PRKAA1: variants seen among roughly 807,000 people sequenced by gnomAD.
The protein encoded by PRKAA1 is protein kinase AMP-activated catalytic subunit alpha 1, also known as 5'-AMP-activated protein kinase catalytic subunit alpha-1.
A neutral mutation model predicts 56.9 loss-of-function variants in PRKAA1; 23 were observed. The ratio of observed to expected loss-of-function variants is 0.40; its 90% CI spans 0.29 to 0.57. The LOEUF (loss-of-function observed/expected upper bound fraction) is 0.57. Among genes scored for constraint, PRKAA1 ranks in the 20% least tolerant of loss-of-function variants. The probability of loss-of-function intolerance (pLI) is 0.39; values close to 1 mark genes in which losing one functional copy is unlikely to be tolerated. For synonymous variants in PRKAA1, 226 were observed against 227.0 expected, an observed-to-expected ratio of 1.00 and a Z score of 0.04; for missense variants, 413 against 679.7, an observed-to-expected ratio of 0.61 and a Z score of 4.36.
In PRKAA1 at chr5:40,798,139, T is replaced by C; in HGVS notation, c.51A>G (p.Lys17=). ...GGCCGATCTTCACCCGCCCGTCGTG[T>C]TTCTGCTTCTCGGCTGTCGCCATCT... ...WRKMATAEKQ[K]HDGRVKIGHY... is the part of the protein sequence containing the mutation. Residue 17 remains lysine, a synonymous_variant, in exon 1 of 9, where the codon AAA becomes AAG. Coordinates refer to ENST00000397128, the MANE Select transcript of PRKAA1 (RefSeq NM_006251.6). The C allele has an allele frequency of 1.2e-6, 2 of 1,605,024 alleles. No individual in the cohort carries two copies. Among genetic ancestry groups the C allele is most frequent in the Non-Finnish European group, 8.5e-7 (1 of 1,175,110 alleles).
In PRKAA1 at chr5:40,767,522, A is replaced by C; in HGVS notation, c.765T>G (p.Leu255=). The change falls in exon 6 of 9, where the codon CTT becomes CTG. Residue 255 remains leucine, a synonymous_variant. Coordinates refer to ENST00000397128, the MANE Select transcript of PRKAA1 (RefSeq NM_006251.6). The part of the protein sequence containing the change: ...PQYLNPSVIS[L]LKHMLQVDPM... ...GATCCACCTGCAGCATATGTTTCAA[A>C]AGGCTAATCACAGAAGGATTTAAAT... 1 of 1,613,860 alleles carries C rather than the reference A, an allele frequency of 6.2e-7. No individual in the cohort carries two copies. The highest frequency in any genetic ancestry group is 8.5e-7 in the Non-Finnish European group (1 of 1,179,834).
intron 5 of PRKAA1, chr5:40,768,267 C>G (rs1743563000): frequency 3.7e-6 from 1 of 272,416 alleles, no homozygotes; most frequent in Non-Finnish European, 5.6e-6. Flanking sequence ...TTATGTACTG[C>G]TGAACTGATC....
At chr5:40,774,549 A>ACTTTTTTTTTT (rs1554031839) in intron 3 of PRKAA1, among the ~76,000 whole-genome samples, 2 of 125,084 alleles carry the variant, frequency 1.6e-5, no homozygotes, top group African/African-American at 3.1e-5. Context: ...TCCAGGCAGA[A>ACTTTTTTTTTT]TTTTTTTTTT....
Position 40,783,235 on chromosome 5 carries a change from A to G in PRKAA1, c.128-5649T>C, listed in dbSNP as rs140819608. 1.2e-4 allele frequency among the ~76,000 whole-genome samples: 19 copies of G among 152,320 alleles called. 1 individual carries two copies. The highest frequency in any genetic ancestry group is 4.1e-4 in the African/African-American group (17 of 41,584). On this transcript the variant is annotated intron_variant, in intron 1 of 8. Transcript: ENST00000397128. ...TGTATTATGTAAGAACAAAAGGCTGACCAATTTCAGAGAACAGTTTAATAC... is the reference window on the plus strand; with the variant it reads ...TGTATTATGTAAGAACAAAAGGCTGGCCAATTTCAGAGAACAGTTTAATAC...
At chr5:40,783,580 A>G (rs1485412311) in intron 1 of PRKAA1, among the ~76,000 whole-genome samples, 1 of 151,930 alleles carries the variant, frequency 6.6e-6, no homozygotes, top group Non-Finnish European at 1.5e-5. Context: ...ACATGCTGAA[A>G]CCCCATCTCT....
intron 4 of PRKAA1, 113 bp downstream of exon 4, chr5:40,771,606 C>T: frequency 1.0e-6 from 1 of 999,058 alleles, no homozygotes; most frequent in Non-Finnish European, 1.4e-6. Context: ...TTGATATACT[C>T]AGTCTATTAC....
intron 1 of PRKAA1, among the ~76,000 whole-genome samples, chr5:40,784,751 G>A (rs939672881): frequency 1.3e-5 from 2 of 152,080 alleles, no homozygotes; most frequent in African/African-American, 4.8e-5. Flanking sequence ...GGAAGACTTG[G>A]CATTATTAGC....
intron 1 of PRKAA1, among the ~76,000 whole-genome samples, chr5:40,779,331 A>G (rs1164724954): frequency 6.6e-6 from 1 of 152,138 alleles, no homozygotes; most frequent in Non-Finnish European, 1.5e-5. Flanking sequence ...ACAAAATCCA[A>G]AAAATTGAAT....
At chr5:40,789,802 G>C (rs527966990) in intron 1 of PRKAA1, among the ~76,000 whole-genome samples, 1 of 152,270 alleles carries the variant, frequency 6.6e-6, no homozygotes. Flanking sequence ...ACAAAGAAAT[G>C]ATAAATATTT....
chr5:40,782,717 A>T (rs187974445), intron 1 of PRKAA1, among the ~76,000 whole-genome samples: 120 of 152,294 alleles, frequency 7.9e-4, no homozygotes, highest in African/African-American at 2.8e-3. Flanking sequence ...TATAGAACAC[A>T]CAACAAAAAA....
chr5:40,772,285 T>TAAAA (rs1172833132), intron 3 of PRKAA1, among the ~76,000 whole-genome samples: 1 of 152,190 alleles, frequency 6.6e-6, no homozygotes. Context: ...CAGCAATGAA[T>TAAAA]AAAACAAAGG....
intron 3 of PRKAA1, among the ~76,000 whole-genome samples, chr5:40,774,293 C>A (rs1286053801): frequency 6.6e-6 from 1 of 152,116 alleles, no homozygotes; most frequent in Non-Finnish European, 1.5e-5. Context: ...CAAGACGGAA[C>A]AGAGGAAGAC....
At chr5:40,793,847 T>C (rs1346098200) in intron 1 of PRKAA1, among the ~76,000 whole-genome samples, 1 of 152,138 alleles carries the variant, frequency 6.6e-6, no homozygotes, top group Non-Finnish European at 1.5e-5. Context: ...AGGCCTGTAA[T>C]CCCAGCACTT....
chr5:40,774,659 TAA>T (rs1743912196), intron 3 of PRKAA1, among the ~76,000 whole-genome samples: 1 of 150,352 alleles, frequency 6.7e-6, no homozygotes, highest in Admixed American at 6.7e-5. Context: ...ACTTGGTTAA[TAA>T]GTTTGATTTT....
intron 1 of PRKAA1, among the ~76,000 whole-genome samples, chr5:40,794,352 ACTT>A (rs1199996961): frequency 6.6e-6 from 1 of 151,800 alleles, no homozygotes; most frequent in Non-Finnish European, 1.5e-5. Context: ...GTTTTTTCTT[ACTT>A]ATTTGTTTGA....
In PRKAA1 at chr5:40,773,766, A is replaced by T. The variant is rs1252117093; in HGVS notation, c.363+1644T>A. On this transcript the variant is annotated intron_variant, in intron 3 of 8. Coordinates refer to ENST00000397128, the MANE Select transcript of PRKAA1 (RefSeq NM_006251.6). The stretch of plus-strand genomic sequence containing the variant: ...AGGTAGAAGTGAGAGATGAGCTGAA[A>T]ACAGGACAAGTGCTTGAAGTAAGAA... Among the ~76,000 whole-genome samples the T allele has an allele frequency of 5.3e-5, 8 of 152,356 alleles. No homozygotes were observed. In the East Asian group the frequency reaches 1.4e-3, roughly 26 times the overall value.
At chr5:40,763,076 T>G in intron 8 of PRKAA1, 54 bp from the exon 9 acceptor site, 2 of 1,582,108 alleles carry the variant, frequency 1.3e-6, no homozygotes, top group Admixed American at 3.5e-5. Flanking sequence ...CCCAAAAATT[T>G]TTGTAACAGT....
intron 2 of PRKAA1, among the ~76,000 whole-genome samples, chr5:40,776,674 T>A (rs975108937): frequency 2.6e-5 from 4 of 152,230 alleles, no homozygotes; most frequent in African/African-American, 7.2e-5. Flanking sequence ...CTGGCAACTG[T>A]AAAACAACAG....
At chr5:40,787,504 A>G (rs1039512464) in intron 1 of PRKAA1, among the ~76,000 whole-genome samples, 1 of 151,824 alleles carries the variant, frequency 6.6e-6, no homozygotes, top group Non-Finnish European at 1.5e-5. Flanking sequence ...TAAAGCTACA[A>G]TAATTTGTTA....
Sources: gnomAD v4.1 joint callset for allele counts (sites outside exome capture counted in the v4.1 genomes callset) on GRCh38, gnomAD v4.1.1 for gene constraint, MANE v1.5 for transcripts, NCBI Gene and HGNC (gene_info 2026-07-23, HGNC 2026-07-21) for gene names.